The following AGBL3 variants were observed in gnomAD, a reference collection of about 807,000 sequenced individuals.
AGBL3 encodes the protein AGBL carboxypeptidase 3, also known as cytosolic carboxypeptidase 3.
A neutral mutation model predicts 94.5 loss-of-function variants in AGBL3; 68 were observed. The observed-to-expected ratio is 0.72, with a 90% CI of 0.59 to 0.88. AGBL3 has a LOEUF of 0.88. Among genes scored for constraint, AGBL3 ranks in the 40% least tolerant of loss-of-function variants. The probability of loss-of-function intolerance (pLI) is 0.00; values close to 1 mark genes in which losing one functional copy is unlikely to be tolerated. For synonymous variants in AGBL3, 354 were observed against 370.7 expected (o/e 0.95, Z 0.52); for missense variants, 934 against 1,103.8 (o/e 0.85, Z 2.18).
At chr7:135,086,693 A>G (rs1315033028) in intron 15 of AGBL3, among the ~76,000 whole-genome samples, 1 of 152,020 alleles carries the variant, frequency 6.6e-6, no homozygotes, top group Non-Finnish European at 1.5e-5. Flanking sequence ...CCACTTGATC[A>G]TGGTGAATAA....
Position 135,008,462 on chromosome 7 carries a change from C to T in AGBL3, c.311-8590C>T, listed in dbSNP as rs538714444. Among the ~76,000 whole-genome samples, 7 of 152,182 alleles carry T rather than the reference C, an allele frequency of 4.6e-5. No homozygotes were observed. In the South Asian group the frequency reaches 1.5e-3, roughly 32 times the overall value. Reference sequence around the variant, plus strand: ...CAAAATAAAGAAGTTTGTCCCTTACCTCACACCATATACAAAAATTGATTC... The same window carrying T: ...CAAAATAAAGAAGTTTGTCCCTTACTTCACACCATATACAAAAATTGATTC... On this transcript the variant is annotated intron_variant, in intron 4 of 16. Coordinates refer to ENST00000436302, the MANE Select transcript of AGBL3 (RefSeq NM_178563.4).
intron 15 of AGBL3, among the ~76,000 whole-genome samples, chr7:135,110,614 C>T (rs1451125267): frequency 2.0e-5 from 3 of 152,170 alleles, no homozygotes; most frequent in Non-Finnish European, 4.4e-5. Flanking sequence ...TGTGTCGCTC[C>T]TGGGTGGGCA....
intron 16 of AGBL3, among the ~76,000 whole-genome samples, chr7:135,127,694 C>T (rs62479728): frequency 0.49 from 73,802 of 152,010 alleles, 18,277 homozygotes; most frequent in South Asian, 0.66. Context: ...GGGTAGGCTG[C>T]AGAGAAATAA....
chr7:135,056,124 G>A (rs567591220), intron 11 of AGBL3, among the ~76,000 whole-genome samples: 30 of 152,070 alleles, frequency 2.0e-4, no homozygotes, highest in African/African-American at 6.3e-4. Context: ...TTTTATTTCT[G>A]ATGTTAGCAA....
chr7:134,991,207 G>C (rs77116855), intron 3 of AGBL3, among the ~76,000 whole-genome samples: 1 of 110,740 alleles, frequency 9.0e-6, no homozygotes, highest in South Asian at 3.7e-4. Flanking sequence ...TGGGTGGGGG[G>C]GGGGTTGGTT....
intron 15 of AGBL3, among the ~76,000 whole-genome samples, chr7:135,106,594 G>A (rs1824755065): frequency 6.6e-6 from 1 of 152,220 alleles, no homozygotes; most frequent in African/African-American, 2.4e-5. Context: ...GCTTTTTGAT[G>A]TGCTGCTGGA....
At chr7:135,092,628 T>G (rs1012289966) in intron 15 of AGBL3, 3 of 152,140 alleles carry the variant, frequency 2.0e-5, no homozygotes, top group African/African-American at 7.2e-5. Context: ...ATGCTACTTA[T>G]TGTGTTATGG....
intron 12 of AGBL3, among the ~76,000 whole-genome samples, chr7:135,072,696 T>C (rs1244194008): frequency 7.0e-6 from 1 of 142,422 alleles, no homozygotes; most frequent in Non-Finnish European, 1.5e-5. Flanking sequence ...TTCTCACTCA[T>C]AGGTGGGAAT....
At position 135,018,759 on chromosome 7, in the gene AGBL3, G is replaced by A. The variant is rs557086545; in HGVS notation, c.418+1600G>A. Among the ~76,000 whole-genome samples the A allele has an allele frequency of 3.9e-5, 6 of 152,286 alleles. 1 individual carries two copies. In the South Asian group the frequency reaches 1.0e-3, roughly 26 times the overall value. ...TTTAAATGTCAATGAAAATTAAAAT[G>A]TTCATATAAAGTTAAAACCCTAGGA... On this transcript the variant is annotated intron_variant, in intron 5 of 16. Coordinates refer to ENST00000436302, the MANE Select transcript of AGBL3 (RefSeq NM_178563.4).
rs546377625 is a variant in AGBL3 at position 135,080,851 on chromosome 7, AT to A, written c.2038+597del. On this transcript the variant is annotated intron_variant, in intron 14 of 16. Coordinates refer to ENST00000436302, the MANE Select transcript of AGBL3 (RefSeq NM_178563.4). ...ATTTTGATTTTATCTAAAATACCTA[AT>A]TTTTTATGTGTGTGTGTATATATAT... 9.5e-5 allele frequency among the ~76,000 whole-genome samples: 14 copies of A among 146,848 alleles called. 1 individual carries two copies. The South Asian group carries it at 2.8e-3, about 30-fold the overall frequency.
chr7:135,124,150 T>C (rs370874019), intron 16 of AGBL3, among the ~76,000 whole-genome samples: 3 of 151,958 alleles, frequency 2.0e-5, no homozygotes, highest in East Asian at 3.9e-4. Context: ...AGGAGACCTG[T>C]CTTATGTGCA....
At chr7:135,081,436 A>G (rs1164325317) in intron 14 of AGBL3, among the ~76,000 whole-genome samples, 1 of 152,036 alleles carries the variant, frequency 6.6e-6, no homozygotes, top group Non-Finnish European at 1.5e-5. Flanking sequence ...ATTTTTTCCT[A>G]TTGTAAACAA....
intron 15 of AGBL3, among the ~76,000 whole-genome samples, chr7:135,112,530 T>C (rs1825788190): frequency 6.6e-6 from 1 of 152,234 alleles, no homozygotes; most frequent in Non-Finnish European, 1.5e-5. Flanking sequence ...ACTGTCCTTT[T>C]TTACTTGGCT....
intron 16 of AGBL3, among the ~76,000 whole-genome samples, chr7:135,128,291 CAAAAAAAAAAAAAA>C (rs61217008): frequency 1.1e-3 from 63 of 58,080 alleles, no homozygotes; most frequent in Non-Finnish European, 1.4e-3. Context: ...GACTCCATCT[CAAAAAAAAAAAAAA>C]AAAAAAAAAA....
At chr7:135,036,364 A>AT (rs11395716) in intron 7 of AGBL3, among the ~76,000 whole-genome samples, 144,549 of 151,752 alleles carry the variant, frequency 0.95, 69,200 homozygotes, top group Non-Finnish European at 1. Context: ...GGAATGTGTA[A>AT]TTTTTTTTAG....
At chr7:135,078,745 T>C (rs758346176) in intron 13 of AGBL3, among the ~76,000 whole-genome samples, 1 of 152,184 alleles carries the variant, frequency 6.6e-6, no homozygotes, top group Non-Finnish European at 1.5e-5. Flanking sequence ...GTCAAATGCT[T>C]TGAGAAAGTT....
rs922668126 is a variant in AGBL3 at position 135,033,167 on chromosome 7, A to G, written c.557+185A>G. Among the ~76,000 whole-genome samples, 5 of 152,278 alleles carry G rather than the reference A, an allele frequency of 3.3e-5. No homozygotes were observed. The South Asian group carries it at 1.0e-3, about 32-fold the overall frequency. The stretch of plus-strand genomic sequence containing the variant: ...GATTCTGAGTTCAAATAATTTTGAG[A>G]ACTATGAGGTAAAGTTAAGAAGGCT... On this transcript the variant is annotated intron_variant, in intron 6 of 16. Coordinates refer to ENST00000436302, the MANE Select transcript of AGBL3 (RefSeq NM_178563.4).
chr7:135,128,699 G>A (rs182501311), intron 16 of AGBL3: 7 of 1,340,682 alleles, frequency 5.2e-6, no homozygotes, highest in Middle Eastern at 2.4e-4. Context: ...CTCCTTTTGA[G>A]CTCAAGATTG....
In AGBL3 at chr7:135,135,204, G is replaced by C. The variant is rs778781684; in HGVS notation, c.2706G>C (p.Gln902His). The C allele has an allele frequency of 4.5e-6, 7 of 1,546,028 alleles. No homozygotes were observed. In the South Asian group the frequency reaches 7.2e-5, roughly 16 times the overall value. The part of the protein sequence containing the change: ...ALHLTKNKDE[Q>H]ANKNDGQPTL... ...ATCTAACTAAAAATAAGGATGAGCA[G>C]GCCAATAAGAATGATGGACAACCCA... Residue 902 changes from glutamine (Q) to histidine (H), a missense_variant, in exon 17 of 17, where the codon CAG (glutamine) becomes CAC (histidine). Coordinates refer to ENST00000436302, the MANE Select transcript of AGBL3 (RefSeq NM_178563.4).
Sources: allele counts gnomAD v4.1 joint callset (sites outside exome capture counted in the v4.1 genomes callset), GRCh38; gene constraint gnomAD v4.1.1; transcripts MANE v1.5; gene names NCBI Gene and HGNC (gene_info 2026-07-23, HGNC 2026-07-21).